The following ITK variants were observed in gnomAD, a reference collection of about 807,000 sequenced individuals.
The protein encoded by ITK is tyrosine-protein kinase ITK/TSK.
A neutral mutation model predicts 87.6 loss-of-function variants in ITK; 45 were observed. The observed-to-expected ratio is 0.51, with a 90% CI of 0.40 to 0.66. ITK has a LOEUF of 0.66. ITK is among the 30% of genes least tolerant of loss of function. ITK has a pLI of 0.00. For missense variants in ITK, 605 were observed against 766.3 expected (o/e 0.79, Z 2.48); for synonymous variants, 303 against 273.6 (o/e 1.11, Z -1.06).
intron 4 of ITK, among the ~76,000 whole-genome samples, chr5:157,216,735 G>T (rs149975697): frequency 1.7e-3 from 262 of 152,256 alleles, no homozygotes; most frequent in South Asian, 9.5e-3. Context: ...TAGTATTGGT[G>T]AAGCCAGAGT....
chr5:157,201,422 C>G (rs749970148), intron 1 of ITK, among the ~76,000 whole-genome samples: 3 of 151,560 alleles, frequency 2.0e-5, no homozygotes, highest in African/African-American at 7.3e-5. Context: ...CTCAGCCTCC[C>G]GAGCAGCTGG....
intron 8 of ITK, among the ~76,000 whole-genome samples, chr5:157,235,134 G>C (rs1015059095): frequency 1.3e-5 from 2 of 152,130 alleles, no homozygotes; most frequent in African/African-American, 4.8e-5. Flanking sequence ...TACACTGAAG[G>C]CTTAATAAAT....
intron 6 of ITK, among the ~76,000 whole-genome samples, chr5:157,226,836 G>C (rs1047678476): frequency 6.6e-6 from 1 of 151,948 alleles, no homozygotes; most frequent in African/African-American, 2.4e-5. Context: ...GTCTTGCTCT[G>C]TCACCCAGGC....
chr5:157,244,460 T>A lies in ITK; in HGVS notation c.1431T>A (p.Cys477Ter), dbSNP rs751565550. Residue 477 changes from cysteine to a stop codon, truncating the protein, a stop_gained, in exon 13 of 17, where the codon TGT (cysteine) becomes TGA (stop). Coordinates refer to ENST00000422843, the MANE Select transcript of ITK (RefSeq NM_005546.4). LOFTEE classifies it high-confidence loss of function. ...GCATGGCCTACCTGGAAGAGGCATG[T>A]GTCATCCACAGAGACTTGGTATGAG... is the stretch of plus-strand genomic sequence containing the variant. Reference protein sequence around the residue: ...CEGMAYLEEACVIHRDLAARN... With the variant: ...CEGMAYLEEA 4 of 1,607,996 alleles carry A rather than the reference T, an allele frequency of 2.5e-6. No homozygotes were observed. Among genetic ancestry groups the A allele is most frequent in the Non-Finnish European group, 3.4e-6 (4 of 1,174,390 alleles).
At chr5:157,204,724 A>T (rs992271643) in intron 1 of ITK, among the ~76,000 whole-genome samples, 3 of 152,192 alleles carry the variant, frequency 2.0e-5, no homozygotes, top group Admixed American at 6.5e-5. Context: ...AGAAAAAAAA[A>T]AGATCTGGGA....
chr5:157,233,147 G>A (rs919371866), intron 8 of ITK, among the ~76,000 whole-genome samples: 1 of 152,162 alleles, frequency 6.6e-6, no homozygotes, highest in Non-Finnish European at 1.5e-5. Flanking sequence ...TGACTTTGGG[G>A]ACCTCTCTTC....
intron 1 of ITK, among the ~76,000 whole-genome samples, chr5:157,191,659 A>G (rs1435255389): frequency 6.6e-6 from 1 of 152,176 alleles, no homozygotes; most frequent in South Asian, 2.1e-4. Flanking sequence ...CCATATATCT[A>G]CAATGCCTCC....
chr5:157,204,703 AAAC>A (rs936456993), intron 1 of ITK, among the ~76,000 whole-genome samples: 1 of 152,154 alleles, frequency 6.6e-6, no homozygotes, highest in African/African-American at 2.4e-5. Context: ...CATCTCAAAA[AAAC>A]AAAAAAGAGA....
At position 157,245,785 on chromosome 5, in the gene ITK, G is replaced by A. The variant is rs780612149; in HGVS notation, c.1509G>A (p.Met503Ile). Residue 503 changes from methionine (M) to isoleucine (I), a missense_variant, in exon 14 of 17, where the codon ATG becomes ATA. By Grantham distance (10) the Met-to-Ile change is conservative. Transcript: ENST00000422843. Reference sequence around the variant, plus strand: ...TCATCAAGGTGTCTGACTTTGGGATGACAAGGTAAAAGAGGGATGTGGTGC... The same window carrying A: ...TCATCAAGGTGTCTGACTTTGGGATAACAAGGTAAAAGAGGGATGTGGTGC... ...NQVIKVSDFG[M>I]TRFVLDDQYT... 6.2e-7 allele frequency: 1 copy of A among 1,614,136 alleles called. No homozygotes were observed. Among genetic ancestry groups the A allele is most frequent in the East Asian group, 2.2e-5 (1 of 44,886 alleles).
chr5:157,203,131 G>C (rs1345530029), intron 1 of ITK, among the ~76,000 whole-genome samples: 1 of 152,144 alleles, frequency 6.6e-6, no homozygotes, highest in South Asian at 2.1e-4. Context: ...CTTGGCCACA[G>C]TTTGGTCACA....
At chr5:157,189,420 C>T (rs927248161) in intron 1 of ITK, among the ~76,000 whole-genome samples, 1 of 152,110 alleles carries the variant, frequency 6.6e-6, no homozygotes, top group Non-Finnish European at 1.5e-5. Flanking sequence ...TGGCTTATGC[C>T]TGTAATCCTC....
chr5:157,197,301 T>C (rs1444707328), intron 1 of ITK, among the ~76,000 whole-genome samples: 3 of 152,218 alleles, frequency 2.0e-5, no homozygotes, highest in East Asian at 3.8e-4. Context: ...AATGGGGTTA[T>C]GCGGTTACAA....
Position 157,211,307 on chromosome 5 carries a change from C to G in ITK, c.264C>G (p.Leu88=). The G allele has an allele frequency of 6.2e-7, 1 of 1,614,098 alleles. No homozygotes were observed. The highest frequency in any genetic ancestry group is 8.5e-7 in the Non-Finnish European group (1 of 1,179,984). The change falls in exon 3 of 17, where the codon CTC becomes CTG. Residue 88 remains leucine (L), a synonymous_variant. Coordinates refer to ENST00000422843, the MANE Select transcript of ITK (RefSeq NM_005546.4). ...TCCAGGTGGTGCATGACAACTACCT[C>G]CTATATGTGTTTGCTCCAGATCGTG... ...YPFQVVHDNY[L]LYVFAPDRES...
chr5:157,221,932 C>A (rs1436937378), intron 5 of ITK, among the ~76,000 whole-genome samples: 1 of 152,014 alleles, frequency 6.6e-6, no homozygotes, highest in Non-Finnish European at 1.5e-5. Flanking sequence ...AGGAGGGTCA[C>A]TTGAGCCCAG....
intron 7 of ITK, 54 bp from the exon 8 acceptor site, chr5:157,232,286 A>T (rs1754672358): frequency 1.6e-6 from 2 of 1,221,132 alleles, no homozygotes; most frequent in East Asian, 4.7e-5. Context: ...TTTTATAAGT[A>T]AATAATGAAA....
At chr5:157,194,933 T>C (rs1421486355) in intron 1 of ITK, among the ~76,000 whole-genome samples, 1 of 152,140 alleles carries the variant, frequency 6.6e-6, no homozygotes, top group African/African-American at 2.4e-5. Flanking sequence ...ACATGAATCA[T>C]AATTCATTAT....
chr5:157,206,203 C>T (rs1373352741), intron 1 of ITK, among the ~76,000 whole-genome samples: 1 of 152,108 alleles, frequency 6.6e-6, no homozygotes, highest in Non-Finnish European at 1.5e-5. Flanking sequence ...GATCCACCCT[C>T]CTCAGCCTCC....
At chr5:157,199,672 C>T (rs10070951) in intron 1 of ITK, 43,269 of 152,006 alleles carry the variant, frequency 0.28, 6,260 homozygotes, top group East Asian at 0.42. Context: ...TGCTCTTCTA[C>T]GTATTAAGAG....
intron 7 of ITK, among the ~76,000 whole-genome samples, chr5:157,231,067 T>C (rs1343201854): frequency 6.6e-6 from 1 of 152,128 alleles, no homozygotes. Context: ...TAGTTTCAGG[T>C]GAGATCTGCC....
Sources: gnomAD v4.1 joint callset for allele counts (sites outside exome capture counted in the v4.1 genomes callset) on GRCh38, gnomAD v4.1.1 for gene constraint, MANE v1.5 for transcripts, NCBI Gene and HGNC (gene_info 2026-07-23, HGNC 2026-07-21) for gene names.